BRD7: variants seen among roughly 807,000 people sequenced by gnomAD.
BRD7 encodes the protein bromodomain-containing protein 7.
BRD7 carries 15 observed loss-of-function variants against 82.1 expected under a neutral mutation model. The ratio of observed to expected loss-of-function variants is 0.18; its 90% confidence interval spans 0.12 to 0.28. The LOEUF is 0.28. Ranked by LOEUF, BRD7 falls within the 10% of genes least tolerant of loss-of-function variation. The pLI, the probability that BRD7 is intolerant of heterozygous loss-of-function variation, is 1.00. For synonymous variants in BRD7, 232 were observed against 266.9 expected (o/e 0.87, Z 1.27); for missense variants, 638 against 779.9 (o/e 0.82, Z 2.17).
chr16:50,321,875 A>C (rs764545123), intron 13 of BRD7, 107 bp downstream of exon 13: 68 of 1,011,898 alleles, frequency 6.7e-5, no homozygotes, highest in Non-Finnish European at 1.4e-5. Context: ...AACTCTACTC[A>C]CTAACCTTTT....
chr16:50,331,756 AC>A (rs2037575439), intron 8 of BRD7, among the ~76,000 whole-genome samples: 1 of 152,198 alleles, frequency 6.6e-6, no homozygotes, highest in Admixed American at 6.5e-5. Context: ...GGCTACAATA[AC>A]CAAAACAGCA....
Position 50,316,056 on chromosome 16 carries a change from A to C in BRD7, c.*3155T>G, listed in dbSNP as rs1377599564. On this transcript the variant is annotated 3_prime_UTR_variant, in exon 17 of 17. Coordinates refer to ENST00000394688, the MANE Select transcript of BRD7 (RefSeq NM_013263.5). ...CGGTTTCAAACAGGTAGAGAGAAAA[A>C]CACCACAATTAACACTGTTACTTTT... The C allele has an allele frequency of 2.0e-5, 3 of 153,174 alleles. No individual in the cohort carries two copies. Among genetic ancestry groups the C allele is most frequent in the Non-Finnish European group, 2.9e-5 (2 of 68,662 alleles). The allele number at this position is 153,174 out of a possible 1,614,324, so 9.5% of individuals were successfully genotyped here.
rs12918980 is a variant in BRD7 at position 50,317,635 on chromosome 16, A to C, written c.*1576T>G. The stretch of plus-strand genomic sequence containing the variant: ...CTCAGATAATAATAGTTTGTAAGTA[A>C]AAGTTTTTAGTTTTCAGTGTTCAGG... On this transcript the variant is annotated 3_prime_UTR_variant, in exon 17 of 17. Coordinates refer to ENST00000394688, the MANE Select transcript of BRD7 (RefSeq NM_013263.5). 1 of 152,360 alleles carries C rather than the reference A, an allele frequency of 6.6e-6. No individual in the cohort carries two copies. The highest frequency in any genetic ancestry group is 2.4e-5 in the African/African-American group (1 of 41,462). The allele number at this position is 152,360 out of a possible 1,614,324, so 9.4% of individuals were successfully genotyped here.
At chr16:50,329,814 TA>T (rs35022517) in intron 8 of BRD7, among the ~76,000 whole-genome samples, 1 of 152,186 alleles carries the variant, frequency 6.6e-6, no homozygotes, top group Non-Finnish European at 1.5e-5. Flanking sequence ...AAATATTTTT[TA>T]AAAAAGAGCT....
intron 6 of BRD7, among the ~76,000 whole-genome samples, chr16:50,338,345 C>T (rs943597372): frequency 7.9e-5 from 12 of 152,208 alleles, no homozygotes; most frequent in African/African-American, 2.2e-4. Flanking sequence ...ATATTAGGAG[C>T]GCAAGAATAA....
At chr16:50,347,124 G>A (rs1013286450) in intron 5 of BRD7, among the ~76,000 whole-genome samples, 25 of 152,244 alleles carry the variant, frequency 1.6e-4, no homozygotes, top group African/African-American at 4.6e-4. Context: ...ATCAATAAAC[G>A]TAATCCAGCA....
intron 13 of BRD7, 67 bp downstream of exon 13, chr16:50,321,911 ATTCT>A: frequency 7.0e-6 from 10 of 1,426,214 alleles, no homozygotes; most frequent in Non-Finnish European, 9.8e-6. Context: ...GGGCCTTCCC[ATTCT>A]CAAGACTTCT....
rs1597111548 is a variant in BRD7 at position 50,368,629 on chromosome 16, A to T, written c.49+97T>A. 3 of 1,245,664 alleles carry T rather than the reference A, an allele frequency of 2.4e-6. No homozygotes were observed. In the Admixed American group the frequency reaches 8.4e-5, roughly 35 times the overall value. 77.2% of individuals were successfully genotyped at this position (1,245,664 alleles called of 1,614,324 possible). On this transcript the variant is annotated intron_variant, in intron 1 of 16. Coordinates refer to ENST00000394688, the MANE Select transcript of BRD7 (RefSeq NM_013263.5). ...TCGCCGGCCTGGGCCTGCCGTGGGA[A>T]GGAAGGGCCCCGGGCCGCCCCGGAG... is the stretch of plus-strand genomic sequence containing the variant.
In BRD7 at chr16:50,318,839, G is replaced by T; in HGVS notation, c.*372C>A. 6.0e-6 allele frequency: 1 copy of T among 168,052 alleles called. No individual in the cohort carries two copies. The highest frequency in any genetic ancestry group is 1.7e-4 in the East Asian group (1 of 5,980). 10.4% of individuals were successfully genotyped at this position (168,052 alleles called of 1,614,324 possible). On this transcript the variant is annotated 3_prime_UTR_variant, in exon 17 of 17. Coordinates refer to ENST00000394688, the MANE Select transcript of BRD7 (RefSeq NM_013263.5). ...CATTCCCACTGGGTATGCAGGGGCA[G>T]AACCACAGTAGTAAATTCTAAAATT...
intron 4 of BRD7, among the ~76,000 whole-genome samples, chr16:50,352,018 G>C (rs2038546594): frequency 6.6e-6 from 1 of 152,174 alleles, no homozygotes; most frequent in Non-Finnish European, 1.5e-5. Context: ...CAGAAGACCA[G>C]AGCTTATTCC....
At chr16:50,360,943 C>T (rs2038912871) in intron 2 of BRD7, among the ~76,000 whole-genome samples, 1 of 152,140 alleles carries the variant, frequency 6.6e-6, no homozygotes, top group Non-Finnish European at 1.5e-5. Flanking sequence ...GCCACAACAG[C>T]CCAGAGATGC....
intron 5 of BRD7, among the ~76,000 whole-genome samples, chr16:50,340,675 T>C (rs991560952): frequency 1.3e-5 from 2 of 152,220 alleles, no homozygotes; most frequent in Non-Finnish European, 2.9e-5. Flanking sequence ...TTGCAGAATG[T>C]TGCAAAACCA....
chr16:50,362,257 C>T (rs2038962398), intron 2 of BRD7, among the ~76,000 whole-genome samples: 1 of 152,196 alleles, frequency 6.6e-6, no homozygotes, highest in Admixed American at 6.5e-5. Context: ...TTTATTTCCC[C>T]ATGTGCTGTG....
chr16:50,322,887 C>T (rs1028719368), intron 12 of BRD7, among the ~76,000 whole-genome samples: 29 of 152,254 alleles, frequency 1.9e-4, no homozygotes, highest in East Asian at 7.7e-4. Context: ...TGGGCCTGAC[C>T]GAGGCACTAA....
intron 5 of BRD7, among the ~76,000 whole-genome samples, chr16:50,348,306 C>T (rs1375183088): frequency 1.3e-5 from 2 of 152,168 alleles, no homozygotes; most frequent in East Asian, 3.9e-4. Flanking sequence ...ACCATAAAAA[C>T]CCTAGAAGAA....
At chr16:50,348,133 C>T (rs1207108087) in intron 5 of BRD7, among the ~76,000 whole-genome samples, 1 of 152,182 alleles carries the variant, frequency 6.6e-6, no homozygotes, top group African/African-American at 2.4e-5. Context: ...TGATCTTTGA[C>T]AAACCTGACA....
intron 12 of BRD7, among the ~76,000 whole-genome samples, chr16:50,323,211 C>T (rs766586640): frequency 6.6e-6 from 1 of 152,166 alleles, no homozygotes. Context: ...AGGTTCCTCC[C>T]GATGTGCTAT....
intron 7 of BRD7, 137 bp from the exon 8 acceptor site, chr16:50,333,834 G>A: frequency 1.4e-6 from 1 of 730,002 alleles, no homozygotes; most frequent in Non-Finnish European, 2.2e-6. Context: ...TTACTTCCTT[G>A]ATGACCTGTT....
chr16:50,358,472 G>GGCAA (rs1478458908), intron 2 of BRD7, among the ~76,000 whole-genome samples: 1 of 146,876 alleles, frequency 6.8e-6, no homozygotes, highest in Non-Finnish European at 1.5e-5. Flanking sequence ...CTCTAGCCTG[G>GGCAA]GCAACAGAGC....
Sources: allele counts gnomAD v4.1 joint callset (sites outside exome capture counted in the v4.1 genomes callset), GRCh38; gene constraint gnomAD v4.1.1; transcripts MANE v1.5; gene names NCBI Gene and HGNC (gene_info 2026-07-23, HGNC 2026-07-21).